RPA1: variants seen among roughly 807,000 people sequenced by gnomAD.
RPA1 encodes the protein replication protein A 70 kDa DNA-binding subunit.
Under a neutral mutation model 83.0 loss-of-function variants are expected in RPA1, and 49 were observed. That is an observed-to-expected ratio of 0.59 (90% CI 0.47 to 0.75). The LOEUF (loss-of-function observed/expected upper bound fraction) is 0.75. Ranked by LOEUF, RPA1 falls within the 30% of genes least tolerant of loss-of-function variation. The pLI, the probability that RPA1 is intolerant of heterozygous loss-of-function variation, is 0.00. For synonymous variants in RPA1, 279 were observed against 281.8 expected (o/e 0.99, Z 0.10); for missense variants, 693 against 776.1 (o/e 0.89, Z 1.27).
intron 6 of RPA1, among the ~76,000 whole-genome samples, chr17:1,874,635 AATTATAT>A (rs1458108003): frequency 6.6e-6 from 1 of 152,208 alleles, no homozygotes; most frequent in Non-Finnish European, 1.5e-5. Context: ...TGTTTTATAA[AATTATAT>A]ATTATGTATG....
At chr17:1,831,584 C>A (rs1270966535) in intron 1 of RPA1, among the ~76,000 whole-genome samples, 1 of 151,712 alleles carries the variant, frequency 6.6e-6, no homozygotes, top group Non-Finnish European at 1.5e-5. Flanking sequence ...CTACCTTCTT[C>A]CATGGGGCCT....
At chr17:1,869,221 G>A (rs191905158) in intron 5 of RPA1, among the ~76,000 whole-genome samples, 2 of 152,288 alleles carry the variant, frequency 1.3e-5, no homozygotes, top group South Asian at 4.1e-4. Context: ...AATAATTTGA[G>A]GTGCTAAGAG....
intron 13 of RPA1, among the ~76,000 whole-genome samples, chr17:1,885,616 T>G (rs1165460852): frequency 6.6e-6 from 1 of 152,132 alleles, no homozygotes; most frequent in African/African-American, 2.4e-5. Flanking sequence ...TAATTGTATT[T>G]TTTGTAGAGA....
In RPA1 at chr17:1,880,492, T is replaced by C. The variant is rs1397336257; in HGVS notation, c.1093-51T>C. The C allele has an allele frequency of 2.5e-6, 4 of 1,587,916 alleles. No individual in the cohort carries two copies. In the African/African-American group the frequency reaches 5.4e-5, roughly 21 times the overall value. The stretch of plus-strand genomic sequence containing the variant: ...TGCCTTGTTTTCTATAAAAATCTTC[T>C]GTGTTCTTCCTGCTAGTGACACTTG... On this transcript the variant is annotated intron_variant, in intron 11 of 16. Coordinates refer to ENST00000254719, the MANE Select transcript of RPA1 (RefSeq NM_002945.5).
At chr17:1,868,004 G>A (rs1183731325) in intron 5 of RPA1, among the ~76,000 whole-genome samples, 1 of 152,054 alleles carries the variant, frequency 6.6e-6, no homozygotes, top group Admixed American at 6.5e-5. Context: ...GATTGCTTGA[G>A]GCCAGGAGGT....
chr17:1,860,057 C>T (rs1328086419), intron 5 of RPA1, among the ~76,000 whole-genome samples: 2 of 151,170 alleles, frequency 1.3e-5, no homozygotes, highest in Non-Finnish European at 2.9e-5. Flanking sequence ...ATGATCTGCC[C>T]GCCTCAGCCT....
intron 15 of RPA1, among the ~76,000 whole-genome samples, chr17:1,893,254 G>A (rs1348261256): frequency 6.6e-6 from 1 of 152,178 alleles, no homozygotes; most frequent in East Asian, 1.9e-4. Flanking sequence ...AGCCTTTCAG[G>A]ATTTTTATGA....
intron 4 of RPA1, among the ~76,000 whole-genome samples, chr17:1,849,818 G>A (rs1451366887): frequency 2.6e-5 from 4 of 151,966 alleles, no homozygotes; most frequent in Non-Finnish European, 4.4e-5. Context: ...GAAATGGCTC[G>A]TAAATTCTTT....
At chr17:1,861,676 CATTT>C (rs1419792501) in intron 5 of RPA1, among the ~76,000 whole-genome samples, 2 of 151,898 alleles carry the variant, frequency 1.3e-5, no homozygotes, top group African/African-American at 4.8e-5. Context: ...TCAGTTGAAA[CATTT>C]GTTTATTAAC....
At position 1,877,254 on chromosome 17, in the gene RPA1, T is replaced by C. The variant is rs1418605067; in HGVS notation, c.630T>C (p.Arg210=). The change falls in exon 8 of 17, where the codon CGT becomes CGC. Residue 210 remains arginine, a synonymous_variant. Transcript: ENST00000254719. ...GTGTTACCAACAAAAGTCAGATCCG[T>C]ACCTGGAGCAACTCCCGAGGGGAAG... The part of the protein sequence containing the change: ...CARVTNKSQI[R]TWSNSRGEGK... 1 of 1,614,208 alleles carries C rather than the reference T, an allele frequency of 6.2e-7. No individual in the cohort carries two copies. Among genetic ancestry groups the C allele is most frequent in the Non-Finnish European group, 8.5e-7 (1 of 1,180,040 alleles).
At chr17:1,894,345 T>C (rs1319930675) in intron 15 of RPA1, among the ~76,000 whole-genome samples, 1 of 152,052 alleles carries the variant, frequency 6.6e-6, no homozygotes, top group Admixed American at 6.6e-5. Flanking sequence ...TTTTGTGTTT[T>C]TAGTAGAGAT....
chr17:1,876,293 G>A (rs868785487), intron 7 of RPA1, among the ~76,000 whole-genome samples: 1 of 152,194 alleles, frequency 6.6e-6, no homozygotes, highest in Non-Finnish European at 1.5e-5. Flanking sequence ...GGTGGCTCAT[G>A]CCCGTAATCC....
chr17:1,856,615 G>A (rs997988286), intron 5 of RPA1, among the ~76,000 whole-genome samples: 3 of 151,576 alleles, frequency 2.0e-5, no homozygotes, highest in East Asian at 3.9e-4. Context: ...AAAACAAAAC[G>A]AAACTATATA....
rs1303458910 is a variant in RPA1 at position 1,895,019 on chromosome 17, C to T, written c.1670C>T (p.Ala557Val). 2 of 1,613,036 alleles carry T rather than the reference C, an allele frequency of 1.2e-6. No individual in the cohort carries two copies. The highest frequency in any genetic ancestry group is 2.2e-5 in the East Asian group (1 of 44,786). Reference protein sequence around the residue: ...LGELKDKNEQAFEEVFQNANF... With the variant: ...LGELKDKNEQVFEEVFQNANF... Reference sequence around the variant, plus strand: ...TGTTTGTTTTTGCAGAATGAACAGGCATTTGAAGAAGTTTTCCAGAATGCC... The same window carrying T: ...TGTTTGTTTTTGCAGAATGAACAGGTATTTGAAGAAGTTTTCCAGAATGCC... Residue 557 changes from alanine (A) to valine (V), a missense_variant, in exon 16 of 17, where the codon GCA (alanine) becomes GTA (valine). Coordinates refer to ENST00000254719, the MANE Select transcript of RPA1 (RefSeq NM_002945.5).
chr17:1,878,598 C>T (rs1913652387), intron 8 of RPA1, among the ~76,000 whole-genome samples: 1 of 152,220 alleles, frequency 6.6e-6, no homozygotes, highest in Non-Finnish European at 1.5e-5. Context: ...GTGGAGGGAG[C>T]CGGTGAATCA....
At chr17:1,858,336 G>T in intron 5 of RPA1, 1 of 1,608,248 alleles carries the variant, frequency 6.2e-7, no homozygotes, top group Non-Finnish European at 8.5e-7. Flanking sequence ...CAGTGCCACG[G>T]TGGCAGATGG....
At chr17:1,832,711 T>A (rs935179911) in intron 1 of RPA1, among the ~76,000 whole-genome samples, 2 of 152,090 alleles carry the variant, frequency 1.3e-5, no homozygotes, top group African/African-American at 4.8e-5. Context: ...GATGCATGAC[T>A]TGAGGCAAGA....
chr17:1,877,163 C>A, intron 7 of RPA1, 49 bp from the exon 8 acceptor site: 1 of 1,536,026 alleles, frequency 6.5e-7, no homozygotes, highest in Non-Finnish European at 9.0e-7. Context: ...CTTACTTGAT[C>A]TTTTCCAAGG....
intron 5 of RPA1, among the ~76,000 whole-genome samples, chr17:1,866,483 T>A (rs184518465): frequency 6.6e-6 from 1 of 152,112 alleles, no homozygotes; most frequent in East Asian, 1.9e-4. Context: ...CCCGGCTAAA[T>A]TTTTTATATT....
Sources: gnomAD v4.1 joint callset for allele counts (sites outside exome capture counted in the v4.1 genomes callset) on GRCh38, gnomAD v4.1.1 for gene constraint, MANE v1.5 for transcripts, NCBI Gene and HGNC (gene_info 2026-07-23, HGNC 2026-07-21) for gene names.